ZFAND3: variants seen among roughly 807,000 people sequenced by gnomAD.
ZFAND3 encodes zinc finger AN1-type containing 3, also known as AN1-type zinc finger protein 3.
ZFAND3 carries 10 observed loss-of-function variants against 29.6 expected under a neutral mutation model. The ratio of observed to expected loss-of-function variants is 0.34; its 90% CI spans 0.21 to 0.57. The LOEUF (loss-of-function observed/expected upper bound fraction) is 0.57. Ranked by LOEUF, ZFAND3 falls within the 20% of genes least tolerant of loss-of-function variation. ZFAND3 has a pLI of 0.86. For missense variants in ZFAND3, 230 were observed against 304.5 expected (o/e 0.76, Z 1.82); for synonymous variants, 128 against 112.6 (o/e 1.14, Z -0.87).
chr6:37,956,332 A>G (rs1762085951), intron 2 of ZFAND3, among the ~76,000 whole-genome samples: 1 of 152,188 alleles, frequency 6.6e-6, no homozygotes, highest in Admixed American at 6.5e-5. Context: ...GTGTCTTAAA[A>G]GTTCCCAGGT....
At chr6:38,116,541 T>C in intron 4 of ZFAND3, 31 bp from the exon 5 acceptor site, 1 of 1,589,982 alleles carries the variant, frequency 6.3e-7, no homozygotes, top group Non-Finnish European at 8.6e-7. Context: ...CAGGCACTAA[T>C]CCTGATCCCC....
At chr6:37,845,669 A>T (rs1009030268) in intron 1 of ZFAND3, among the ~76,000 whole-genome samples, 2 of 152,214 alleles carry the variant, frequency 1.3e-5, no homozygotes, top group African/African-American at 2.4e-5. Context: ...AGCGTATGCC[A>T]GTCTCTACTC....
chr6:37,829,275 C>T (rs1763816458), intron 1 of ZFAND3, among the ~76,000 whole-genome samples: 1 of 149,436 alleles, frequency 6.7e-6, no homozygotes, highest in South Asian at 2.1e-4. Flanking sequence ...GTGGCTCATG[C>T]CTGTAATCCC....
Position 37,910,759 on chromosome 6 carries a change from A to T in ZFAND3, c.72-19200A>T, listed in dbSNP as rs564151918. Among the ~76,000 whole-genome samples, 127 of 151,842 alleles carry T rather than the reference A, an allele frequency of 8.4e-4. 1 individual carries two copies. The highest frequency in any genetic ancestry group is 3.0e-3 in the African/African-American group (126 of 41,402). On this transcript the variant is annotated intron_variant, in intron 1 of 5. Coordinates refer to ENST00000287218, the MANE Select transcript of ZFAND3 (RefSeq NM_021943.3). Reference sequence around the variant, plus strand: ...TCTACTCTCTGCTTCTGTGAGTTGGACTCTTTTACATTCTGCACATAAATG... The same window carrying T: ...TCTACTCTCTGCTTCTGTGAGTTGGTCTCTTTTACATTCTGCACATAAATG...
chr6:37,973,856 A>T (rs963566555), intron 2 of ZFAND3, among the ~76,000 whole-genome samples: 3 of 152,218 alleles, frequency 2.0e-5, no homozygotes, highest in Admixed American at 6.5e-5. Context: ...ATCTACTTAG[A>T]AAGCATTTAC....
At position 38,056,281 on chromosome 6, in the gene ZFAND3, G is replaced by C. The variant is rs565674986; in HGVS notation, c.113-5312G>C. Among the ~76,000 whole-genome samples, 32 of 152,286 alleles carry C rather than the reference G, an allele frequency of 2.1e-4. 1 individual carries two copies. The highest frequency in any genetic ancestry group is 6.8e-3 in the Middle Eastern group (2 of 294). ...ATTTATATTTGACAAAGAAGAAACAGTCATGATTCCTTGCTAAGAGGAAAA... is the reference window on the plus strand; with the variant it reads ...ATTTATATTTGACAAAGAAGAAACACTCATGATTCCTTGCTAAGAGGAAAA... On this transcript the variant is annotated intron_variant, in intron 2 of 5. Coordinates refer to ENST00000287218, the MANE Select transcript of ZFAND3 (RefSeq NM_021943.3).
At chr6:38,125,920 C>A (rs1377906102) in intron 5 of ZFAND3, among the ~76,000 whole-genome samples, 2 of 151,966 alleles carry the variant, frequency 1.3e-5, no homozygotes, top group African/African-American at 4.8e-5. Flanking sequence ...TTGTTTCAGA[C>A]CCTGATTTTT....
intron 2 of ZFAND3, among the ~76,000 whole-genome samples, chr6:37,964,805 C>A (rs983301545): frequency 6.6e-6 from 1 of 152,166 alleles, no homozygotes; most frequent in African/African-American, 2.4e-5. Flanking sequence ...TGATTAAGGG[C>A]TTAAGTTCAT....
At chr6:38,005,511 G>A (rs1264242431) in intron 2 of ZFAND3, among the ~76,000 whole-genome samples, 1 of 152,172 alleles carries the variant, frequency 6.6e-6, no homozygotes, top group African/African-American at 2.4e-5. Context: ...ATGTAATGTG[G>A]TAGAAGGAGC....
chr6:37,926,761 T>C (rs1761492458), intron 1 of ZFAND3, among the ~76,000 whole-genome samples: 1 of 152,212 alleles, frequency 6.6e-6, no homozygotes, highest in East Asian at 1.9e-4. Flanking sequence ...TTACCTTTCA[T>C]GCTTACTGTC....
intron 3 of ZFAND3, among the ~76,000 whole-genome samples, chr6:38,070,380 C>T (rs1026218260): frequency 2.7e-5 from 4 of 150,258 alleles, no homozygotes; most frequent in Non-Finnish European, 4.4e-5. Context: ...GCCGAGATCA[C>T]TCTAGCCTGG....
chr6:38,154,540 T>G lies in ZFAND3; in HGVS notation c.*2151T>G. 1.0e-6 allele frequency: 1 copy of G among 977,118 alleles called. No individual in the cohort carries two copies. The highest frequency in any genetic ancestry group is 1.2e-6 in the Non-Finnish European group (1 of 821,936). The allele number at this position is 977,118 out of a possible 1,614,324, so 60.5% of individuals were successfully genotyped here. ...ATAGCCTAGAGCTCAGTTTTAGTTT[T>G]AACATTGTGAAAATATTAAAAGAAT... On this transcript the variant is annotated 3_prime_UTR_variant, in exon 6 of 6. Coordinates refer to ENST00000287218, the MANE Select transcript of ZFAND3 (RefSeq NM_021943.3).
intron 1 of ZFAND3, among the ~76,000 whole-genome samples, chr6:37,908,242 G>A (rs952000095): frequency 6.6e-6 from 1 of 152,112 alleles, no homozygotes; most frequent in African/African-American, 2.4e-5. Context: ...ATTTTGACAA[G>A]GATTCTTAAT....
chr6:37,957,021 T>A (rs910573892), intron 2 of ZFAND3, among the ~76,000 whole-genome samples: 3 of 152,100 alleles, frequency 2.0e-5, no homozygotes, highest in Non-Finnish European at 2.9e-5. Flanking sequence ...TGAAAAAAAA[T>A]GTACTCATTT....
intron 2 of ZFAND3, among the ~76,000 whole-genome samples, chr6:38,048,896 ATCAATAATGCAGTTT>A (rs1376812888): frequency 2.6e-5 from 4 of 152,216 alleles, no homozygotes; most frequent in East Asian, 1.9e-4. Context: ...GATATGCAGA[ATCAATAATGCAGTTT>A]TCAAAACTTT....
At chr6:38,063,164 T>A (rs1279537345) in intron 3 of ZFAND3, among the ~76,000 whole-genome samples, 1 of 152,230 alleles carries the variant, frequency 6.6e-6, no homozygotes, top group African/African-American at 2.4e-5. Context: ...ATGTTCTGTG[T>A]TCTGTATACT....
chr6:38,020,142 G>A (rs1393949700), intron 2 of ZFAND3, among the ~76,000 whole-genome samples: 1 of 152,200 alleles, frequency 6.6e-6, no homozygotes, highest in Admixed American at 6.5e-5. Context: ...TAACTGCTGT[G>A]TGAGATAGAC....
At chr6:37,949,073 C>G (rs1488664213) in intron 2 of ZFAND3, among the ~76,000 whole-genome samples, 1 of 152,098 alleles carries the variant, frequency 6.6e-6, no homozygotes, top group Non-Finnish European at 1.5e-5. Context: ...AATTTACTTT[C>G]CCACCAGCAG....
intron 3 of ZFAND3, 109 bp from the exon 4 acceptor site, chr6:38,082,283 T>G (rs1764678548): frequency 1.0e-6 from 1 of 972,042 alleles, no homozygotes; most frequent in Admixed American, 2.8e-5. Context: ...CCTCGTTATA[T>G]TTTCAGGTTG....
Sources: gnomAD v4.1 joint callset for allele counts (sites outside exome capture counted in the v4.1 genomes callset) on GRCh38, gnomAD v4.1.1 for gene constraint, MANE v1.5 for transcripts, NCBI Gene and HGNC (gene_info 2026-07-23, HGNC 2026-07-21) for gene names.